The following PLEKHA5 variants were observed in gnomAD, a reference collection of about 807,000 sequenced individuals.
The protein encoded by PLEKHA5 is pleckstrin homology domain-containing family A member 5.
PLEKHA5 carries 55 observed loss-of-function variants against 181.9 expected under a neutral mutation model. The observed-to-expected ratio is 0.30, with a 90% confidence interval of 0.24 to 0.38. The LOEUF (loss-of-function observed/expected upper bound fraction) is 0.38. Among genes scored for constraint, PLEKHA5 ranks in the 10% least tolerant of loss-of-function variants. The pLI is 1.00. For missense variants in PLEKHA5, 1,432 were observed against 1,549.5 expected (o/e 0.92, Z 1.27); for synonymous variants, 535 against 529.4 (o/e 1.01, Z -0.15).
At chr12:19,277,119 G>A (rs376075661) in intron 11 of PLEKHA5, among the ~76,000 whole-genome samples, 3 of 152,174 alleles carry the variant, frequency 2.0e-5, no homozygotes, top group South Asian at 2.1e-4. Flanking sequence ...TTAATACAAT[G>A]TGATTAGACA....
intron 3 of PLEKHA5, among the ~76,000 whole-genome samples, chr12:19,132,716 A>G (rs2034297852): frequency 6.9e-6 from 1 of 144,350 alleles, no homozygotes; most frequent in Admixed American, 6.9e-5. Flanking sequence ...ATAATTTTGT[A>G]TCTTCGTTTT....
intron 3 of PLEKHA5, among the ~76,000 whole-genome samples, chr12:19,137,399 A>G (rs373696409): frequency 9.9e-5 from 15 of 152,284 alleles, no homozygotes; most frequent in African/African-American, 3.4e-4. Flanking sequence ...TCTTTAGAAC[A>G]CTTTGTGGGC....
intron 10 of PLEKHA5, among the ~76,000 whole-genome samples, chr12:19,271,452 T>A: frequency 6.6e-6 from 1 of 152,120 alleles, no homozygotes; most frequent in East Asian, 1.9e-4. Context: ...TGCTGTGAGC[T>A]GTGACTGTGC....
chr12:19,313,799 G>T (rs188000682), intron 15 of PLEKHA5, among the ~76,000 whole-genome samples: 29 of 152,042 alleles, frequency 1.9e-4, no homozygotes, highest in Admixed American at 5.9e-4. Context: ...AATTTTATTG[G>T]CAATTAGACT....
At chr12:19,271,975 G>C (rs556314817) in intron 10 of PLEKHA5, among the ~76,000 whole-genome samples, 1 of 152,104 alleles carries the variant, frequency 6.6e-6, no homozygotes, top group African/African-American at 2.4e-5. Context: ...GATTTTGTTT[G>C]CTTGGTTTTA....
At chr12:19,346,941 A>C in intron 23 of PLEKHA5, 53 bp from the exon 24 acceptor site, 2 of 1,154,012 alleles carry the variant, frequency 1.7e-6, no homozygotes, top group Non-Finnish European at 2.4e-6. Context: ...GAATTTAGAT[A>C]TGCTTAATTC....
intron 20 of PLEKHA5, among the ~76,000 whole-genome samples, chr12:19,333,155 C>T (rs2093015257): frequency 6.6e-6 from 1 of 152,090 alleles, no homozygotes; most frequent in Non-Finnish European, 1.5e-5. Flanking sequence ...CATGGTGGCG[C>T]ATGCCTGTAA....
chr12:19,151,608 A>G (rs1214782308), intron 3 of PLEKHA5: 2 of 152,180 alleles, frequency 1.3e-5, no homozygotes, highest in Non-Finnish European at 1.5e-5. Flanking sequence ...CATAGTCATT[A>G]GCAGCTTCCA....
In PLEKHA5 at chr12:19,361,712, A is replaced by G. The variant is rs2095249086; in HGVS notation, c.3608+6A>G. 2 of 1,589,414 alleles carry G rather than the reference A, an allele frequency of 1.3e-6. No individual in the cohort carries two copies. The highest frequency in any genetic ancestry group is 1.7e-6 in the Non-Finnish European group (2 of 1,168,710). ...CCTGAGGATGTTACATTCAGGTAAT[A>G]TTTAAGAAAAGCAAAGGAATCATTC... On this transcript the variant is annotated splice_donor_region_variant and intron_variant, in intron 29 of 31. Coordinates refer to ENST00000429027, the MANE Select transcript of PLEKHA5 (RefSeq NM_001256470.2).
chr12:19,175,499 C>T lies in PLEKHA5; in HGVS notation c.227+43049C>T, dbSNP rs1353257703. On this transcript the variant is annotated intron_variant, in intron 3 of 31. Transcript: ENST00000429027. ...AGCAAGTTTTAAAGCATGTTATATACTAATAAAGTTTTTATTTATGCTTTT... is the reference window on the plus strand; with the variant it reads ...AGCAAGTTTTAAAGCATGTTATATATTAATAAAGTTTTTATTTATGCTTTT... Among the ~76,000 whole-genome samples the T allele has an allele frequency of 3.3e-5, 5 of 152,250 alleles. No individual in the cohort carries two copies. In the East Asian group the frequency reaches 5.8e-4, roughly 18 times the overall value.
At chr12:19,200,366 G>A in intron 3 of PLEKHA5, 1 of 1,528,518 alleles carries the variant, frequency 6.5e-7, no homozygotes, top group Non-Finnish European at 8.8e-7. Flanking sequence ...AATAGAAGAT[G>A]TAATGGAAGT....
chr12:19,325,837 A>C (rs1203189788), intron 20 of PLEKHA5, among the ~76,000 whole-genome samples: 2 of 148,854 alleles, frequency 1.3e-5, no homozygotes, highest in Non-Finnish European at 3.0e-5. Context: ...GAGAAACCCC[A>C]CCTCTACTAA....
intron 3 of PLEKHA5, among the ~76,000 whole-genome samples, chr12:19,251,905 T>C (rs1297481525): frequency 1.3e-5 from 2 of 152,144 alleles, no homozygotes; most frequent in Non-Finnish European, 2.9e-5. Flanking sequence ...TCCTGAGCAG[T>C]CCACTCCTCC....
chr12:19,223,522 T>C (rs2059284727), intron 3 of PLEKHA5, among the ~76,000 whole-genome samples: 1 of 152,142 alleles, frequency 6.6e-6, no homozygotes, highest in Non-Finnish European at 1.5e-5. Context: ...AATTACTCAC[T>C]TTTTCTTTGT....
intron 3 of PLEKHA5, among the ~76,000 whole-genome samples, chr12:19,137,076 T>A (rs1409802040): frequency 6.6e-6 from 1 of 152,034 alleles, no homozygotes; most frequent in Non-Finnish European, 1.5e-5. Flanking sequence ...GGAGTTTCAC[T>A]CTTGTTGCCC....
At chr12:19,257,327 G>A in intron 5 of PLEKHA5, 106 bp from the exon 6 acceptor site, 1 of 605,796 alleles carries the variant, frequency 1.7e-6, no homozygotes, top group Non-Finnish European at 2.9e-6. Flanking sequence ...TTTAAGTCCT[G>A]CAAGTCTTGG....
intron 25 of PLEKHA5, among the ~76,000 whole-genome samples, chr12:19,350,423 T>C (rs2094536699): frequency 6.6e-6 from 1 of 152,208 alleles, no homozygotes; most frequent in African/African-American, 2.4e-5. Flanking sequence ...CATAACCCAC[T>C]GGACTGATTT....
chr12:19,269,386 C>CA (rs34976369), intron 8 of PLEKHA5, among the ~76,000 whole-genome samples: 106,572 of 127,320 alleles, frequency 0.84, 44,795 homozygotes, highest in Middle Eastern at 0.94. Flanking sequence ...GACTCTGTCT[C>CA]AAAAAAAAGA....
chr12:19,167,144 G>T (rs1319232150), intron 3 of PLEKHA5, among the ~76,000 whole-genome samples: 1 of 152,112 alleles, frequency 6.6e-6, no homozygotes, highest in Non-Finnish European at 1.5e-5. Flanking sequence ...GTATAGAAAA[G>T]TGAAGAAAGC....
Sources: gnomAD v4.1 joint callset for allele counts (sites outside exome capture counted in the v4.1 genomes callset) on GRCh38, gnomAD v4.1.1 for gene constraint, MANE v1.5 for transcripts, NCBI Gene and HGNC (gene_info 2026-07-23, HGNC 2026-07-21) for gene names.